CUBN: variants seen among roughly 807,000 people sequenced by gnomAD.
The protein encoded by CUBN is 460 kDa receptor.
In CUBN, 282 loss-of-function variants were observed where a neutral mutation model predicts 405.3. The observed-to-expected ratio is 0.70, with a 90% CI of 0.63 to 0.77. CUBN has a LOEUF of 0.77. Ranked by LOEUF, CUBN falls within the 30% of genes least tolerant of loss-of-function variation. The pLI is 0.00. For missense variants in CUBN, 4,514 were observed against 4,475.2 expected (o/e 1.01, Z -0.25); for synonymous variants, 1,684 against 1,617.0 (o/e 1.04, Z -0.99).
chr10:17,002,478 T>C (rs1833920636), intron 28 of CUBN, among the ~76,000 whole-genome samples: 1 of 152,000 alleles, frequency 6.6e-6, no homozygotes, highest in Non-Finnish European at 1.5e-5. Flanking sequence ...TTTATAACTG[T>C]TTCAAAGAGT....
intron 17 of CUBN, among the ~76,000 whole-genome samples, chr10:17,081,310 T>C (rs1323621793): frequency 6.6e-6 from 1 of 152,172 alleles, no homozygotes; most frequent in Non-Finnish European, 1.5e-5. Flanking sequence ...CCTATTCACA[T>C]GCAAAGTAAA....
chr10:17,128,381 C>T (rs1328940346), intron 2 of CUBN, among the ~76,000 whole-genome samples: 2 of 152,188 alleles, frequency 1.3e-5, no homozygotes, highest in East Asian at 3.8e-4. Flanking sequence ...GTGCTAAGCA[C>T]AGTGGATGGC....
At chr10:16,957,382 T>C (rs903364682) in intron 31 of CUBN, among the ~76,000 whole-genome samples, 1 of 152,232 alleles carries the variant, frequency 6.6e-6, no homozygotes, top group African/African-American at 2.4e-5. Flanking sequence ...TTCATTTCTA[T>C]TGCTAAGTAC....
chr10:16,930,984 T>TG (rs949098539), intron 40 of CUBN, among the ~76,000 whole-genome samples: 2 of 151,758 alleles, frequency 1.3e-5, no homozygotes, highest in Non-Finnish European at 2.9e-5. Context: ...AGGCCAGGTG[T>TG]GGTGGCTCAC....
chr10:16,997,432 TAAA>T (rs11464946), intron 28 of CUBN, among the ~76,000 whole-genome samples: 4 of 122,666 alleles, frequency 3.3e-5, no homozygotes, highest in African/African-American at 3.0e-5. Context: ...AGACTCCATC[TAAA>T]AAAAAAAAAA....
Position 17,105,660 on chromosome 10 carries a change from G to A in CUBN, c.1112-85C>T, listed in dbSNP as rs1039878640. The A allele has an allele frequency of 1.9e-5, 15 of 780,266 alleles. No individual in the cohort carries two copies. The South Asian group carries it at 2.2e-4, about 11-fold the overall frequency. The allele number at this position is 780,266 out of a possible 1,614,324, so 48.3% of individuals were successfully genotyped here. On this transcript the variant is annotated intron_variant, in intron 10 of 66. Coordinates refer to ENST00000377833, the MANE Select transcript of CUBN (RefSeq NM_001081.4). ...ATCTAAACTCAGAATCTGCTGTCTA[G>A]ACAAGGATCCACCAACATCCAGTCT...
In CUBN at chr10:17,068,151, A is replaced by C. The variant is rs1435761928; in HGVS notation, c.2921T>G (p.Phe974Cys). Residue 974 changes from phenylalanine (F) to cysteine (C), a missense_variant, in exon 21 of 67, where the codon TTC becomes TGC. Physicochemically the swap from Phe to Cys is radical, Grantham distance 205. Coordinates refer to ENST00000377833, the MANE Select transcript of CUBN (RefSeq NM_001081.4). ...ATGAAACTCCAGATGAAATGTTTCG[A>C]ACATTAAATGAATCAGGTGATTAGG... Reference protein sequence around the residue: ...VQPNHLIHLMFETFHLEFHYN... With the variant: ...VQPNHLIHLMCETFHLEFHYN... 1.2e-6 allele frequency: 2 copies of C among 1,613,626 alleles called. No individual in the cohort carries two copies. The highest frequency in any genetic ancestry group is 1.7e-5 in the Admixed American group (1 of 59,970).
In CUBN at chr10:16,933,074, A is replaced by G. The variant is rs771802078; in HGVS notation, c.6124+13T>C. The G allele has an allele frequency of 6.2e-7, 1 of 1,612,612 alleles. No individual in the cohort carries two copies. Among genetic ancestry groups the G allele is most frequent in the Non-Finnish European group, 8.5e-7 (1 of 1,178,708 alleles). On this transcript the variant is annotated intron_variant, in intron 40 of 66. Coordinates refer to ENST00000377833, the MANE Select transcript of CUBN (RefSeq NM_001081.4). The stretch of plus-strand genomic sequence containing the variant: ...TCAGGGTTGAAACTCAGCATTCTTT[A>G]TAATGTTCTCACCATCTCGTATCAC...
rs559439970 is a variant in CUBN at position 16,873,937 on chromosome 10, C to A, written c.9236+437G>T. Among the ~76,000 whole-genome samples, 3 of 152,250 alleles carry A rather than the reference C, an allele frequency of 2.0e-5. No individual in the cohort carries two copies. The South Asian group carries it at 6.2e-4, about 32-fold the overall frequency. On this transcript the variant is annotated intron_variant, in intron 58 of 66. Coordinates refer to ENST00000377833, the MANE Select transcript of CUBN (RefSeq NM_001081.4). ...ATCTATACAATTCCCAATCTAGAATCTATATATACCTCATATGACTGTTTT... is the reference window on the plus strand; with the variant it reads ...ATCTATACAATTCCCAATCTAGAATATATATATACCTCATATGACTGTTTT...
intron 40 of CUBN, among the ~76,000 whole-genome samples, chr10:16,932,580 C>T (rs1842391656): frequency 6.6e-6 from 1 of 152,136 alleles, no homozygotes; most frequent in Admixed American, 6.6e-5. Context: ...GAATACATTA[C>T]TATTTTATAT....
chr10:16,961,235 C>T (rs1843208662), intron 31 of CUBN, among the ~76,000 whole-genome samples: 1 of 152,064 alleles, frequency 6.6e-6, no homozygotes. Flanking sequence ...CCACACTTGG[C>T]TAATTTTTAA....
chr10:16,992,407 AAAGT>A lies in CUBN; in HGVS notation c.4169-1896_4169-1893del, dbSNP rs553796738. Among the ~76,000 whole-genome samples the A allele has an allele frequency of 3.2e-3, 492 of 152,298 alleles. 2 individuals are homozygous for A. Among genetic ancestry groups the A allele is most frequent in the African/African-American group, 0.011 (469 of 41,558 alleles). On this transcript the variant is annotated intron_variant, in intron 28 of 66. Coordinates refer to ENST00000377833, the MANE Select transcript of CUBN (RefSeq NM_001081.4). ...AAGTATAATAATAAAAAATAAAATAAAAGTAACAGTGCCTCCTCACTCCATTATG... is the reference window on the plus strand; with the variant it reads ...AAGTATAATAATAAAAAATAAAATAAAACAGTGCCTCCTCACTCCATTATG...
chr10:16,909,140 C>T (rs562896667), intron 48 of CUBN, among the ~76,000 whole-genome samples: 1 of 152,148 alleles, frequency 6.6e-6, no homozygotes, highest in African/African-American at 2.4e-5. Flanking sequence ...CCGCCTCGGC[C>T]TCCCAAAGTG....
chr10:16,872,431 G>A (rs1840386334), intron 58 of CUBN, among the ~76,000 whole-genome samples: 1 of 151,722 alleles, frequency 6.6e-6, no homozygotes, highest in Non-Finnish European at 1.5e-5. Flanking sequence ...TACCATGGTT[G>A]GAATGTTTGT....
At chr10:16,886,461 T>C (rs916344904) in intron 56 of CUBN, among the ~76,000 whole-genome samples, 21 of 152,186 alleles carry the variant, frequency 1.4e-4, no homozygotes, top group African/African-American at 4.8e-4. Flanking sequence ...GGTTTAGAAA[T>C]AGAAAGCTGA....
intron 7 of CUBN, among the ~76,000 whole-genome samples, chr10:17,114,925 G>C (rs902313865): frequency 6.6e-6 from 1 of 152,186 alleles, no homozygotes; most frequent in East Asian, 1.9e-4. Flanking sequence ...TTATCTCAGA[G>C]AGAGTCATGA....
chr10:16,918,925 A>G, intron 44 of CUBN, 125 bp from the exon 45 acceptor site: 2 of 916,606 alleles, frequency 2.2e-6, no homozygotes, highest in Non-Finnish European at 3.5e-6. Context: ...AAACTATGAT[A>G]GAATCAGCAT....
At chr10:16,836,654 A>G (rs941126371) in intron 62 of CUBN, among the ~76,000 whole-genome samples, 2 of 152,208 alleles carry the variant, frequency 1.3e-5, no homozygotes, top group African/African-American at 4.8e-5. Flanking sequence ...CTTTTATGCA[A>G]CTTCCTAGCT....
chr10:17,019,811 C>T, intron 28 of CUBN, 22 bp downstream of exon 28: 1 of 1,614,008 alleles, frequency 6.2e-7, no homozygotes, highest in Middle Eastern at 1.7e-4. Flanking sequence ...GCAAATACAA[C>T]TGAGATCAGC....
Sources: gnomAD v4.1 joint callset for allele counts (sites outside exome capture counted in the v4.1 genomes callset) on GRCh38, gnomAD v4.1.1 for gene constraint, MANE v1.5 for transcripts, NCBI Gene and HGNC (gene_info 2026-07-23, HGNC 2026-07-21) for gene names.